The following FCHO1 variants were observed in gnomAD, a reference collection of about 807,000 sequenced individuals.
The protein encoded by FCHO1 is F-BAR domain only protein 1.
FCHO1 carries 45 observed loss-of-function variants against 114.4 expected under a neutral mutation model. That is an observed-to-expected ratio of 0.39 (90% confidence interval 0.31 to 0.50). The LOEUF is 0.50. Ranked by LOEUF, FCHO1 falls within the 20% of genes least tolerant of loss-of-function variation. FCHO1 has a pLI of 0.77. For synonymous variants in FCHO1, 480 were observed against 488.9 expected (o/e 0.98, Z 0.24); for missense variants, 1,042 against 1,209.6 (o/e 0.86, Z 2.06).
In FCHO1 at chr19:17,775,977, G is replaced by A. The variant is rs1196108534; in HGVS notation, c.1004-6G>A. 1.2e-6 allele frequency: 2 copies of A among 1,605,498 alleles called. No homozygotes were observed. The highest frequency in any genetic ancestry group is 2.2e-5 in the East Asian group (1 of 44,870). On this transcript the variant is annotated splice_polypyrimidine_tract_variant and splice_region_variant and intron_variant, in intron 15 of 28. Coordinates refer to ENST00000596536, the MANE Select transcript of FCHO1 (RefSeq NM_015122.3). The surrounding 1 kb of genome is among the most constrained non-coding windows in gnomAD (Gnocchi z 5.1). Reference sequence around the variant, plus strand: ...GGGATTGGCTTGGACCTTGACTGCAGCCCACGCACGGCCGAGCCCTCCCGT... The same window carrying A: ...GGGATTGGCTTGGACCTTGACTGCAACCCACGCACGGCCGAGCCCTCCCGT...
At position 17,751,785 on chromosome 19, in the gene FCHO1, C is replaced by T. The variant is rs1361287495; in HGVS notation, c.-183+208C>T. Among the ~76,000 whole-genome samples the T allele has an allele frequency of 2.0e-5, 3 of 152,136 alleles. No homozygotes were observed. Among genetic ancestry groups the T allele is most frequent in the South Asian group, 2.1e-4 (1 of 4,832 alleles). On this transcript the variant is annotated intron_variant, in intron 1 of 28. Transcript: ENST00000596536. This position sits in a 1 kb window ranked among gnomAD's most constrained non-coding sequence, Gnocchi z 4.4. ...TGAGTGGTGGTTTGGGTTAGGGGGG[C>T]GGCAAGGGGAGCTTGGAAACCCAGA...
chr19:17,761,084 T>A (rs2085948020), intron 4 of FCHO1, among the ~76,000 whole-genome samples: 1 of 152,168 alleles, frequency 6.6e-6, no homozygotes, highest in African/African-American at 2.4e-5. Flanking sequence ...GTGAAGGCAT[T>A]CGCAGGCACC....
At chr19:17,773,436 CCCT>C (rs1413381735) in intron 11 of FCHO1, among the ~76,000 whole-genome samples, 1 of 152,222 alleles carries the variant, frequency 6.6e-6, no homozygotes, top group Non-Finnish European at 1.5e-5. Context: ...TGTTCTTTCT[CCCT>C]CCTGTCGCTC....
At chr19:17,773,402 C>A in intron 11 of FCHO1, among the ~76,000 whole-genome samples, 1 of 152,234 alleles carries the variant, frequency 6.6e-6, no homozygotes, top group East Asian at 1.9e-4. Context: ...GTTACGTCCT[C>A]AAGTCTTGTT....
Position 17,776,031 on chromosome 19 carries a change from A to T in FCHO1, c.1052A>T (p.Asp351Val). Reference protein sequence around the residue: ...RFSSSDSDFDDEEPRKFYVHI... With the variant: ...RFSSSDSDFDVEEPRKFYVHI... Reference sequence around the variant, plus strand: ...TCGTCCAGCGACTCCGACTTCGACGATGAAGAGCCCCGCAAGTTCTATGTG... The same window carrying T: ...TCGTCCAGCGACTCCGACTTCGACGTTGAAGAGCCCCGCAAGTTCTATGTG... The change falls in exon 16 of 29, where the codon GAT (aspartate) becomes GTT (valine). Residue 351 changes from aspartate to valine, a missense_variant. This residue lies in a region of FCHO1 where 450 missense variants were observed against 564.1 expected (regional missense o/e 0.80). Transcript: ENST00000596536. The surrounding 1 kb of genome is among the most constrained non-coding windows in gnomAD (Gnocchi z 4.4). 6.2e-7 allele frequency: 1 copy of T among 1,610,004 alleles called. No homozygotes were observed. Among genetic ancestry groups the T allele is most frequent in the Non-Finnish European group, 8.5e-7 (1 of 1,179,990 alleles).
At chr19:17,749,831 C>A (rs1330873814), upstream of FCHO1, among the ~76,000 whole-genome samples, 1 of 152,142 alleles carries the variant, frequency 6.6e-6, no homozygotes, top group Non-Finnish European at 1.5e-5. Context: ...CCTGCTTGAA[C>A]CAAGTGACTG....
At chr19:17,762,880 G>C in intron 5 of FCHO1, 27 bp downstream of exon 5, 1 of 1,495,972 alleles carries the variant, frequency 6.7e-7, no homozygotes, top group Non-Finnish European at 9.3e-7. Flanking sequence ...CCATCCACCA[G>C]AGGCCACGCC....
rs747073334 is a variant in FCHO1, at chr19:17,775,947, G to T, written c.1004-36G>T. 6.3e-7 allele frequency: 1 copy of T among 1,596,556 alleles called. No homozygotes were observed. On this transcript the variant is annotated intron_variant, in intron 15 of 28. Coordinates refer to ENST00000596536, the MANE Select transcript of FCHO1 (RefSeq NM_015122.3). The surrounding 1 kb of genome is among the most constrained non-coding windows in gnomAD (Gnocchi z 5.1). ...TGGAGAGCTGACTGGGGGAAAGCTT[G>T]TGTTGGGATTGGCTTGGACCTTGAC...
intron 6 of FCHO1, 145 bp from the exon 7 acceptor site, chr19:17,766,524 T>A: frequency 2.7e-6 from 3 of 1,112,444 alleles, no homozygotes; most frequent in Non-Finnish European, 3.8e-6. Context: ...GCCCGCCTCT[T>A]ACAGCTGCCA....
Position 17,775,440 on chromosome 19 carries a change from C to A in FCHO1, c.946-16C>A, listed in dbSNP as rs755749773. ...AGTGGGGCGCCTGACTCACTGCTGC[C>A]CCCTGACTCCCCTAGACATGTCCAG... On this transcript the variant is annotated splice_polypyrimidine_tract_variant and intron_variant, in intron 14 of 28. Coordinates refer to ENST00000596536, the MANE Select transcript of FCHO1 (RefSeq NM_015122.3). The surrounding 1 kb of genome is among the most constrained non-coding windows in gnomAD (Gnocchi z 5.1). 3 of 1,613,144 alleles carry A rather than the reference C, an allele frequency of 1.9e-6. No homozygotes were observed. The highest frequency in any genetic ancestry group is 2.5e-6 in the Non-Finnish European group (3 of 1,179,492).
rs965876206 is a variant in FCHO1, at chr19:17,784,002, T to C, written c.2094-101T>C. The C allele has an allele frequency of 3.5e-6, 5 of 1,436,978 alleles. No homozygotes were observed. The Admixed American group carries it at 8.0e-5, about 23-fold the overall frequency. The allele number at this position is 1,436,978 out of a possible 1,614,324, so 89.0% of individuals were successfully genotyped here. A position where few individuals can be genotyped will look rare whatever the true frequency, so the allele number is the denominator to read the frequency against. ...AGGTAGGGCTTTGCTGGGCCCAGGG[T>C]GGGCCAGGAAATTGCATCTTTAGGA... is the stretch of plus-strand genomic sequence containing the variant. On this transcript the variant is annotated intron_variant, in intron 24 of 28. Transcript: ENST00000596536. This position sits in a 1 kb window ranked among gnomAD's most constrained non-coding sequence, Gnocchi z 5.3.
chr19:17,766,001 G>T (rs1869267066), intron 6 of FCHO1, among the ~76,000 whole-genome samples: 1 of 143,492 alleles, frequency 7.0e-6, no homozygotes, highest in Non-Finnish European at 1.5e-5. Context: ...CCATTCTCCT[G>T]CCTCAGCCTC....
At position 17,781,491 on chromosome 19, in the gene FCHO1, G is replaced by A. The variant is rs371005650; in HGVS notation, c.1780G>A (p.Ala594Thr). ...LSPSPLGSSA[A>T]STALERPSFL... ...CCCCTCCCCACTGGGCTCTTCAGCC[G>A]CCAGCACTGCCTTGGAACGGCCCAG... Residue 594 changes from alanine to threonine, a missense_variant, in exon 22 of 29, where the codon GCC becomes ACC. This residue lies in a region of FCHO1 where 455 missense variants were observed against 455.4 expected (regional missense o/e 1.00). Transcript: ENST00000596536. 4.6e-5 allele frequency: 74 copies of A among 1,613,882 alleles called. No individual in the cohort carries two copies. The highest frequency in any genetic ancestry group is 1.3e-4 in the African/African-American group (10 of 74,898).
In FCHO1 at chr19:17,754,860, A is replaced by T. The variant is rs1161366778; in HGVS notation, c.-48+179A>T. 12 of 425,058 alleles carry T rather than the reference A, an allele frequency of 2.8e-5. No homozygotes were observed. The East Asian group carries it at 5.8e-4, about 21-fold the overall frequency. 26.3% of individuals were successfully genotyped at this position (425,058 alleles called of 1,614,324 possible). A position where few individuals can be genotyped will look rare whatever the true frequency, so the allele number is the denominator to read the frequency against. On this transcript the variant is annotated intron_variant, in intron 3 of 28. Coordinates refer to ENST00000596536, the MANE Select transcript of FCHO1 (RefSeq NM_015122.3). ...CCCCTCCTCCAATCTAGACTCCCTC[A>T]GCTCTTGTCCCTCCACCTAGTCCAG...
At chr19:17,773,382 C>G (rs750828237) in intron 11 of FCHO1, among the ~76,000 whole-genome samples, 27 of 152,206 alleles carry the variant, frequency 1.8e-4, no homozygotes, top group Non-Finnish European at 3.2e-4. Context: ...TCACTAAATG[C>G]TGGTATACAG....
At chr19:17,762,197 G>A (rs1267698130) in intron 4 of FCHO1, among the ~76,000 whole-genome samples, 1 of 152,042 alleles carries the variant, frequency 6.6e-6, no homozygotes, top group African/African-American at 2.4e-5. Flanking sequence ...TGTTGGCCAG[G>A]CTGGTCTCGA....
At chr19:17,785,143 C>A (rs1226006230) in intron 26 of FCHO1, among the ~76,000 whole-genome samples, 1 of 152,076 alleles carries the variant, frequency 6.6e-6, no homozygotes, top group Non-Finnish European at 1.5e-5. Flanking sequence ...TCACTTAAGG[C>A]CAGGAGTTTG....
intron 7 of FCHO1, among the ~76,000 whole-genome samples, chr19:17,769,605 AC>A (rs2090797479): frequency 2.0e-5 from 3 of 147,464 alleles, no homozygotes; most frequent in African/African-American, 7.3e-5. Flanking sequence ...ACACACACAC[AC>A]ACACACACAC....
intron 27 of FCHO1, among the ~76,000 whole-genome samples, chr19:17,786,903 G>A (rs1599814134): frequency 6.6e-6 from 1 of 151,806 alleles, no homozygotes; most frequent in East Asian, 1.9e-4. Context: ...GGGCAATAGA[G>A]CCAGACTCTG....
Sources: gnomAD v4.1 joint callset for allele counts (sites outside exome capture counted in the v4.1 genomes callset) on GRCh38, gnomAD v4.1.1 for gene constraint, gnomAD v4.1.1 regional missense constraint, Gnocchi (gnomAD v3.1) non-coding constraint, MANE v1.5 for transcripts, NCBI Gene and HGNC (gene_info 2026-07-23, HGNC 2026-07-21) for gene names.